Variants in SAMD11 observed in about 807,000 individuals in gnomAD.
SAMD11 encodes sterile alpha motif domain containing 11.
A neutral mutation model predicts 64.4 loss-of-function variants in SAMD11; 77 were observed. The ratio of observed to expected loss-of-function variants is 1.20; its 90% CI spans 0.99 to 1.44. The LOEUF (loss-of-function observed/expected upper bound fraction) is 1.44, where lower values mean the gene tolerates loss of function less well. Among genes scored for constraint, SAMD11 ranks in the 40% most tolerant of loss-of-function variants. The probability of loss-of-function intolerance (pLI) is 0.00; values close to 1 mark genes in which losing one functional copy is unlikely to be tolerated. For synonymous variants in SAMD11, 658 were observed against 421.9 expected (o/e 1.56, Z -6.86); for missense variants, 1,402 against 943.3 (o/e 1.49, Z -6.37).
At position 935,546 on chromosome 1, in the gene SAMD11, G is replaced by A. The variant is rs140564267; in HGVS notation, c.843-226G>A. 4.7e-3 allele frequency among the ~76,000 whole-genome samples: 716 copies of A among 152,318 alleles called. 11 individuals carry two copies. In the Middle Eastern group the frequency reaches 0.048, roughly 10 times the overall value. On this transcript the variant is annotated intron_variant, in intron 4 of 13. Transcript: ENST00000616016. The stretch of plus-strand genomic sequence containing the variant: ...CATAGACCCTCCCTGGAGCAGCCGT[G>A]GGGTCCCAGGTCCCAGTGCCAGGTT...
chr1:938,136 G>A (rs1012613157), intron 5 of SAMD11, among the ~76,000 whole-genome samples: 3 of 152,208 alleles, frequency 2.0e-5, no homozygotes, highest in Non-Finnish European at 4.4e-5. Flanking sequence ...GGAGCTCGGG[G>A]TGGGTCGGAG....
chr1:944,068 T>C lies in SAMD11; in HGVS notation c.2450T>C (p.Leu817Pro). The C allele has an allele frequency of 6.2e-7, 1 of 1,612,640 alleles. No homozygotes were observed. Among genetic ancestry groups the C allele is most frequent in the Non-Finnish European group, 8.5e-7 (1 of 1,179,926 alleles). The change falls in exon 14 of 14, where the codon CTT becomes CCT. Residue 817 changes from leucine (L) to proline (P), a missense_variant. Leu to Pro is a moderately conservative substitution (Grantham distance 98). Coordinates refer to ENST00000616016, the MANE Select transcript of SAMD11 (RefSeq NM_001385641.1). ...ATSPYGGGHA[L>P]AGQTSPKQEN... is the part of the protein sequence containing the mutation. ...TCCCCCTATGGAGGGGGCCACGCCC[T>C]TGCCGGTCAAACTTCACCCAAGCAG... is the stretch of plus-strand genomic sequence containing the variant.
At chr1:925,092 A>C (rs1217129153) in intron 1 of SAMD11, 144 bp downstream of exon 1, 1 of 151,786 alleles carries the variant, frequency 6.6e-6, no homozygotes, top group African/African-American at 2.4e-5. Flanking sequence ...CCGCGCGCGG[A>C]GGCCTCGGTG....
At chr1:943,523 CACCTTTT>C in intron 12 of SAMD11, 146 bp downstream of exon 12, 56 of 872,356 alleles carry the variant, frequency 6.4e-5, no homozygotes, top group Admixed American at 1.1e-4. Context: ...CTGTGCACCC[CACCTTTT>C]TTTTTTTTTT....
chr1:925,683 A>C (rs1640849044), intron 1 of SAMD11: 1 of 416,682 alleles, frequency 2.4e-6, no homozygotes, highest in African/African-American at 2.1e-5. Flanking sequence ...CCGGGTGGGG[A>C]CGCCCAGGCC....
At chr1:943,206 G>A in intron 11 of SAMD11, 47 bp from the exon 12 acceptor site, 1 of 1,610,748 alleles carries the variant, frequency 6.2e-7, no homozygotes, top group Non-Finnish European at 8.5e-7. Flanking sequence ...AGACGGGCGG[G>A]TATGGGAAAG....
chr1:932,555 G>A (rs2100315870), intron 4 of SAMD11, among the ~76,000 whole-genome samples: 1 of 152,366 alleles, frequency 6.6e-6, no homozygotes, highest in East Asian at 1.9e-4. Flanking sequence ...TGACCCTGGT[G>A]TCCGGTCAGA....
chr1:926,706 C>T (rs964336248), intron 2 of SAMD11, among the ~76,000 whole-genome samples: 1 of 152,152 alleles, frequency 6.6e-6, no homozygotes, highest in African/African-American at 2.4e-5. Flanking sequence ...GAGGCACCTG[C>T]ACCCCCTACC....
chr1:943,403 G>T (rs758925774), intron 12 of SAMD11, 26 bp downstream of exon 12: 2 of 1,508,118 alleles, frequency 1.3e-6, no homozygotes, highest in Non-Finnish European at 1.8e-6. Context: ...AGTTCCTGGG[G>T]CGGGGCTGGA....
chr1:941,090 G>T, intron 7 of SAMD11, 54 bp from the exon 8 acceptor site: 1 of 1,488,378 alleles, frequency 6.7e-7, no homozygotes, highest in Non-Finnish European at 9.2e-7. Context: ...GACGCGGGCT[G>T]GGGAGGATGA....
chr1:940,989 C>T (rs1188890932), intron 7 of SAMD11, 155 bp from the exon 8 acceptor site: 3 of 581,288 alleles, frequency 5.2e-6, no homozygotes, highest in African/African-American at 2.0e-5. Context: ...CCTGTGGCCG[C>T]CCATCCTCCT....
At chr1:936,796 C>G (rs140698758) in intron 5 of SAMD11, among the ~76,000 whole-genome samples, 1 of 152,154 alleles carries the variant, frequency 6.6e-6, no homozygotes, top group African/African-American at 2.4e-5. Flanking sequence ...TCTGATGCCG[C>G]GTTGGAGACA....
At chr1:936,390 C>A (rs575612185) in intron 5 of SAMD11, among the ~76,000 whole-genome samples, 77 of 137,058 alleles carry the variant, frequency 5.6e-4, no homozygotes, top group Non-Finnish European at 8.4e-4. Flanking sequence ...AAGGGGTCCC[C>A]GGTCCCGCCT....
intron 4 of SAMD11, 98 bp from the exon 5 acceptor site, chr1:935,674 C>G: frequency 6.6e-7 from 1 of 1,525,014 alleles, no homozygotes; most frequent in Middle Eastern, 1.7e-4. Flanking sequence ...GAGGTCATCC[C>G]CACGCTCACA....
chr1:943,619 A>G (rs1025126428), intron 12 of SAMD11, 79 bp from the exon 13 acceptor site: 1 of 1,408,122 alleles, frequency 7.1e-7, no homozygotes, highest in African/African-American at 1.5e-5. Context: ...TGAGCTGCAC[A>G]AACAGCTCCT....
rs199710569 is a variant in SAMD11 at position 943,067 on chromosome 1, C to T, written c.2053+9C>T. On this transcript the variant is annotated intron_variant, in intron 11 of 13. Coordinates refer to ENST00000616016, the MANE Select transcript of SAMD11 (RefSeq NM_001385641.1). ...CCCCTACTTCCACACAGGTGGGCAC[C>T]CCCACACTCTAGATCCTTCCAGAGG... 6.2e-4 allele frequency: 953 copies of T among 1,537,668 alleles called. 10 individuals are homozygous for T. The highest frequency in any genetic ancestry group is 7.0e-4 in the Middle Eastern group (4 of 5,680).
chr1:927,879 G>C (rs558709059), intron 2 of SAMD11, among the ~76,000 whole-genome samples: 2 of 152,238 alleles, frequency 1.3e-5, no homozygotes, highest in African/African-American at 2.4e-5. Context: ...AGCCACTCCA[G>C]ACCTGCCCTC....
At chr1:938,484 C>A (rs1187490384) in intron 5 of SAMD11, among the ~76,000 whole-genome samples, 2 of 152,120 alleles carry the variant, frequency 1.3e-5, no homozygotes, top group Non-Finnish European at 2.9e-5. Context: ...AGGACGTGGG[C>A]CTTCTGGGGG....
rs1642017140 is a variant in SAMD11, at chr1:944,313, A to G, written c.*160A>G. 22 of 1,390,342 alleles carry G rather than the reference A, an allele frequency of 1.6e-5. No homozygotes were observed. Among genetic ancestry groups the G allele is most frequent in the Non-Finnish European group, 2.0e-5 (22 of 1,078,624 alleles). 86.1% of individuals were successfully genotyped at this position (1,390,342 alleles called of 1,614,324 possible). ...AAAGGAAAGGAACAAATTTTCAAAG[A>G]CTTGGGGGAGTGAAGGCAGAGCCTG... On this transcript the variant is annotated 3_prime_UTR_variant, in exon 14 of 14. Coordinates refer to ENST00000616016, the MANE Select transcript of SAMD11 (RefSeq NM_001385641.1).
Sources: allele counts gnomAD v4.1 joint callset (sites outside exome capture counted in the v4.1 genomes callset), GRCh38; gene constraint gnomAD v4.1.1; transcripts MANE v1.5; gene names NCBI Gene and HGNC (gene_info 2026-07-23, HGNC 2026-07-21).